Variants in ITPR1 observed in about 807,000 individuals in gnomAD.
ITPR1 encodes the protein inositol 1,4,5-trisphosphate receptor type 1.
A neutral mutation model predicts 318.4 loss-of-function variants in ITPR1; 96 were observed. The observed-to-expected ratio is 0.30, with a 90% confidence interval of 0.26 to 0.36. The LOEUF (loss-of-function observed/expected upper bound fraction) is 0.36, where lower values mean the gene tolerates loss of function less well. Among genes scored for constraint, ITPR1 ranks in the 10% least tolerant of loss-of-function variants. The pLI is 1.00. For synonymous variants in ITPR1, 1,312 were observed against 1,289.9 expected, an observed-to-expected ratio of 1.02 and a Z score of -0.37; for missense variants, 2,440 against 3,460.2, an observed-to-expected ratio of 0.71 and a Z score of 7.40.
intron 60 of ITPR1, among the ~76,000 whole-genome samples, chr3:4,830,281 T>C (rs1183678708): frequency 2.0e-5 from 3 of 152,202 alleles, no homozygotes; most frequent in Admixed American, 6.5e-5. Context: ...TGGCCTATAA[T>C]AGATATTATT....
intron 26 of ITPR1, 106 bp from the exon 27 acceptor site, chr3:4,683,280 A>G (rs1307211068): frequency 1.9e-6 from 2 of 1,058,640 alleles, no homozygotes; most frequent in Non-Finnish European, 2.9e-6. Flanking sequence ...ATGTCTGGAG[A>G]TCACAGTGCT....
intron 44 of ITPR1, among the ~76,000 whole-genome samples, chr3:4,758,631 C>A (rs2045200397): frequency 6.6e-6 from 1 of 152,236 alleles, no homozygotes; most frequent in African/African-American, 2.4e-5. Flanking sequence ...CTCCCCAGGA[C>A]CACTTGTTTA....
At chr3:4,765,780 T>G (rs1343513545) in intron 44 of ITPR1, among the ~76,000 whole-genome samples, 2 of 152,204 alleles carry the variant, frequency 1.3e-5, no homozygotes, top group Non-Finnish European at 2.9e-5. Context: ...GACACCATAT[T>G]GTGTTTTTCC....
chr3:4,713,871 C>G (rs1394391709), intron 39 of ITPR1, among the ~76,000 whole-genome samples: 1 of 152,192 alleles, frequency 6.6e-6, no homozygotes, highest in Non-Finnish European at 1.5e-5. Context: ...TGTGAACAAA[C>G]TATAGGCCAG....
At chr3:4,654,057 C>A (rs2093653113) in intron 12 of ITPR1, among the ~76,000 whole-genome samples, 171 bp downstream of exon 12, 1 of 152,114 alleles carries the variant, frequency 6.6e-6, no homozygotes, top group African/African-American at 2.4e-5. Context: ...GGACCATAGT[C>A]CTTTGTGTCT....
chr3:4,606,613 G>A (rs1255150307), intron 4 of ITPR1, among the ~76,000 whole-genome samples: 2 of 152,036 alleles, frequency 1.3e-5, no homozygotes, highest in East Asian at 3.8e-4. Context: ...ATGTTGCAAG[G>A]GAAAAGGAGC....
chr3:4,544,270 A>T (rs1186995969), intron 4 of ITPR1, among the ~76,000 whole-genome samples: 1 of 152,312 alleles, frequency 6.6e-6, no homozygotes, highest in Non-Finnish European at 1.5e-5. Context: ...TTGGTTGCAC[A>T]TTGAGGAATC....
chr3:4,669,569 C>T, intron 18 of ITPR1, 85 bp from the exon 19 acceptor site: 1 of 1,354,342 alleles, frequency 7.4e-7, no homozygotes, highest in Non-Finnish European at 1.0e-6. Context: ...GTATGTTGGA[C>T]CTGTGCACTT....
Position 4,779,695 on chromosome 3 carries a change from T to C in ITPR1, c.6387+50T>C. 1 of 1,303,686 alleles carries C rather than the reference T, an allele frequency of 7.7e-7. No homozygotes were observed. The highest frequency in any genetic ancestry group is 1.1e-6 in the Non-Finnish European group (1 of 900,540). 80.8% of individuals were successfully genotyped at this position (1,303,686 alleles called of 1,614,324 possible). ...GTAGCACCAAGGAGCATTGCGACGA[T>C]ATTTGGGACAGAGCAGAGGATCTGC... On this transcript the variant is annotated intron_variant, in intron 49 of 61. Coordinates refer to ENST00000649015, the MANE Select transcript of ITPR1 (RefSeq NM_001378452.1). This position sits in a 1 kb window ranked among gnomAD's most constrained non-coding sequence, Gnocchi z 4.0.
In ITPR1 at chr3:4,783,858, G is replaced by A. The variant is rs1439693902; in HGVS notation, c.6553G>A (p.Gly2185Ser). Reference protein sequence around the residue: ...NKELQSMLKPGGQVDGDEALE... With the variant: ...NKELQSMLKPSGQVDGDEALE... ...AGAACTTCAGAGCATGCTGAAACCT[G>A]GTGGCCAAGTGGACGGAGATGAAGC... is the stretch of plus-strand genomic sequence containing the variant. The change falls in exon 51 of 62, where the codon GGT becomes AGT. Residue 2185 changes from glycine (G) to serine (S), a missense_variant. Transcript: ENST00000649015. The A allele has an allele frequency of 6.2e-7, 1 of 1,610,418 alleles. No individual in the cohort carries two copies. Among genetic ancestry groups the A allele is most frequent in the South Asian group, 1.1e-5 (1 of 89,936 alleles).
chr3:4,827,847 C>T (rs537920406), intron 60 of ITPR1, among the ~76,000 whole-genome samples: 1 of 152,188 alleles, frequency 6.6e-6, no homozygotes, highest in African/African-American at 2.4e-5. Flanking sequence ...CCGATGATCT[C>T]TTTCCCCCTA....
At chr3:4,818,011 TTC>T in intron 59 of ITPR1, 69 bp from the exon 60 acceptor site, 2 of 1,321,116 alleles carry the variant, frequency 1.5e-6, no homozygotes, top group Non-Finnish European at 2.1e-6. Flanking sequence ...CTACTGACAG[TTC>T]TGTTATTGAT....
intron 55 of ITPR1, among the ~76,000 whole-genome samples, chr3:4,808,957 A>C (rs1172849383): frequency 6.6e-6 from 1 of 152,236 alleles, no homozygotes; most frequent in Non-Finnish European, 1.5e-5. Flanking sequence ...AAATGTGCAA[A>C]GTTCATAAGC....
At chr3:4,653,302 C>T (rs570993077) in intron 11 of ITPR1, among the ~76,000 whole-genome samples, 2 of 152,110 alleles carry the variant, frequency 1.3e-5, no homozygotes, top group Admixed American at 6.5e-5. Context: ...CAGCCCCCCA[C>T]GGTGCCTAAT....
At chr3:4,543,309 A>G (rs989791214) in intron 4 of ITPR1, among the ~76,000 whole-genome samples, 1 of 152,006 alleles carries the variant, frequency 6.6e-6, no homozygotes, top group East Asian at 1.9e-4. Flanking sequence ...TAGATAAGGA[A>G]CTTTGTGGTT....
At chr3:4,684,141 G>A in intron 28 of ITPR1, 140 bp from the exon 29 acceptor site, 1 of 660,566 alleles carries the variant, frequency 1.5e-6, no homozygotes, top group African/African-American at 1.8e-5. Context: ...GTAGGTAGAT[G>A]ACTGGGGCAT....
chr3:4,773,090 T>C (rs1333672201), intron 46 of ITPR1, among the ~76,000 whole-genome samples: 4 of 152,212 alleles, frequency 2.6e-5, no homozygotes, highest in Admixed American at 6.5e-5. Flanking sequence ...GGTGAGTTGA[T>C]CGGTCCCTCT....
chr3:4,522,164 A>G (rs1235012759), intron 4 of ITPR1, among the ~76,000 whole-genome samples: 1 of 152,336 alleles, frequency 6.6e-6, no homozygotes, highest in East Asian at 1.9e-4. Context: ...GATCAACTAT[A>G]GAGCCCTAAC....
intron 4 of ITPR1, among the ~76,000 whole-genome samples, chr3:4,577,987 T>C (rs896675644): frequency 1.3e-5 from 2 of 152,238 alleles, no homozygotes; most frequent in African/African-American, 4.8e-5. Context: ...GAAGGATAGT[T>C]GCATTTTTAC....
Sources: gnomAD v4.1 joint callset for allele counts (sites outside exome capture counted in the v4.1 genomes callset) on GRCh38, gnomAD v4.1.1 for gene constraint, Gnocchi (gnomAD v3.1) non-coding constraint, MANE v1.5 for transcripts, NCBI Gene and HGNC (gene_info 2026-07-23, HGNC 2026-07-21) for gene names.